Variants in MERTK observed in about 807,000 individuals in gnomAD.
MERTK encodes MER proto-oncogene, tyrosine kinase, also known as tyrosine-protein kinase Mer.
Under a neutral mutation model 99.3 loss-of-function variants are expected in MERTK, and 69 were observed. The observed-to-expected ratio is 0.70, with a 90% CI of 0.57 to 0.85. The LOEUF is 0.85. Ranked by LOEUF, MERTK falls within the 40% of genes least tolerant of loss-of-function variation. The pLI is 0.00. For missense variants in MERTK, 1,125 were observed against 1,249.4 expected, an observed-to-expected ratio of 0.90 and a Z score of 1.50; for synonymous variants, 426 against 467.6, an observed-to-expected ratio of 0.91 and a Z score of 1.15.
chr2:111,937,438 C>T (rs544777288), intron 2 of MERTK, among the ~76,000 whole-genome samples: 2 of 152,200 alleles, frequency 1.3e-5, no homozygotes, highest in South Asian at 2.1e-4. Context: ...ACAACACTGC[C>T]TCGAAAACAA....
Position 111,965,222 on chromosome 2 carries a change from G to A in MERTK, c.789G>A (p.Glu263=). The stretch of plus-strand genomic sequence containing the variant: ...CGGAGATGGCGGTCTTCAGTTGTGA[G>A]GCCCACAATGACAAAGGGCTGACCG... ...GLTEMAVFSC[E]AHNDKGLTVS... Residue 263 remains glutamate, a synonymous_variant, in exon 5 of 19, where the codon GAG becomes GAA. Coordinates refer to ENST00000295408, the MANE Select transcript of MERTK (RefSeq NM_006343.3). 1 of 1,614,204 alleles carries A rather than the reference G, an allele frequency of 6.2e-7. No individual in the cohort carries two copies. Among genetic ancestry groups the A allele is most frequent in the Non-Finnish European group, 8.5e-7 (1 of 1,180,040 alleles).
At position 111,967,998 on chromosome 2, in the gene MERTK, C is replaced by T. The variant is rs1023315026; in HGVS notation, c.845-139C>T. On this transcript the variant is annotated intron_variant, in intron 5 of 18. Coordinates refer to ENST00000295408, the MANE Select transcript of MERTK (RefSeq NM_006343.3). ...ACAATTACCCTCAGGCATAGGGAGG[C>T]TCCTCTTGAAAACATGTTTCCCTTT... The T allele has an allele frequency of 1.5e-5, 11 of 710,024 alleles. No individual in the cohort carries two copies. The Admixed American group carries it at 2.0e-4, about 13-fold the overall frequency. 44.0% of individuals were successfully genotyped at this position (710,024 alleles called of 1,614,324 possible).
chr2:112,014,442 G>A (rs1037030761), intron 15 of MERTK, among the ~76,000 whole-genome samples: 2 of 152,146 alleles, frequency 1.3e-5, no homozygotes, highest in African/African-American at 2.4e-5. Flanking sequence ...GGGATGACAG[G>A]CGTGAGCCAC....
intron 4 of MERTK, among the ~76,000 whole-genome samples, chr2:111,951,573 C>T (rs1307122740): frequency 9.6e-6 from 1 of 104,240 alleles, no homozygotes; most frequent in Non-Finnish European, 2.1e-5. Context: ...ATCCATTTAT[C>T]TGTTTATGGA....
At chr2:111,923,930 A>G (rs995128690) in intron 1 of MERTK, among the ~76,000 whole-genome samples, 12 of 152,088 alleles carry the variant, frequency 7.9e-5, no homozygotes, top group African/African-American at 2.7e-4. Context: ...AAAACCTTGG[A>G]ATGGTTTTTG....
At chr2:112,024,444 A>G (rs754989136) in intron 18 of MERTK, among the ~76,000 whole-genome samples, 25 of 152,170 alleles carry the variant, frequency 1.6e-4, no homozygotes, top group Non-Finnish European at 3.1e-4. Context: ...TCAGGCAGAG[A>G]GGGGCGAACC....
At chr2:112,003,039 T>C (rs77235468) in intron 11 of MERTK, 53 bp from the exon 12 acceptor site, 11,930 of 816,474 alleles carry the variant, frequency 0.015, 459 homozygotes, top group African/African-American at 0.11. Context: ...AATTATCAAG[T>C]GAAAGAAAAC....
chr2:111,923,499 T>C (rs1684502949), intron 1 of MERTK, among the ~76,000 whole-genome samples: 1 of 152,196 alleles, frequency 6.6e-6, no homozygotes, highest in Non-Finnish European at 1.5e-5. Context: ...GGGCGGCTAC[T>C]CTGGGACCTG....
chr2:111,998,576 T>G (rs1298897639), intron 10 of MERTK, among the ~76,000 whole-genome samples: 2 of 152,192 alleles, frequency 1.3e-5, no homozygotes, highest in Non-Finnish European at 2.9e-5. Flanking sequence ...GGGGTAAGAA[T>G]GTGTCAGAAA....
intron 4 of MERTK, among the ~76,000 whole-genome samples, chr2:111,956,273 A>G (rs1423150374): frequency 3.3e-5 from 5 of 152,208 alleles, no homozygotes; most frequent in African/African-American, 1.2e-4. Flanking sequence ...TTTCAGTGAA[A>G]TAATGAATGT....
chr2:111,916,631 A>G (rs1273649665), intron 1 of MERTK, among the ~76,000 whole-genome samples: 1 of 152,010 alleles, frequency 6.6e-6, no homozygotes, highest in East Asian at 1.9e-4. Context: ...TCATGTTTCA[A>G]GCATGTTCAT....
intron 15 of MERTK, among the ~76,000 whole-genome samples, chr2:112,011,874 C>T (rs531778339): frequency 6.6e-6 from 1 of 152,288 alleles, no homozygotes; most frequent in Non-Finnish European, 1.5e-5. Context: ...GGTTCCTGCC[C>T]CATGGAGCTG....
rs373307689 is a variant in MERTK, at chr2:112,003,109, A to G, written c.1708A>G (p.Ser570Gly). ...IELTLHSLGVSEELQNKLEDV... is the reference protein window; with the variant it reads ...IELTLHSLGVGEELQNKLEDV... ...TTTTTCAGTACATAGCTTGGGAGTC[A>G]GTGAGGAACTACAAAATAAACTAGA... Residue 570 changes from serine (S) to glycine (G), a missense_variant, in exon 12 of 19, where the codon AGT becomes GGT. Coordinates refer to ENST00000295408, the MANE Select transcript of MERTK (RefSeq NM_006343.3). 24 of 1,576,320 alleles carry G rather than the reference A, an allele frequency of 1.5e-5. No individual in the cohort carries two copies. The highest frequency in any genetic ancestry group is 2.1e-5 in the Non-Finnish European group (24 of 1,145,842).
Position 111,973,912 on chromosome 2 carries a change from T to C in MERTK, c.961-1377T>C, listed in dbSNP as rs1573612206. Among the ~76,000 whole-genome samples the C allele has an allele frequency of 2.2e-5, 3 of 139,020 alleles. No homozygotes were observed. The South Asian group carries it at 6.7e-4, about 31-fold the overall frequency. The allele number at this position is 139,020 out of a possible 152,430, so 91.2% of individuals were successfully genotyped here. ...ACTGGTGGAGTTATGGAGGGAAAGA[T>C]AAGGCAGTATGTTTAAAGGAGATTT... On this transcript the variant is annotated intron_variant, in intron 6 of 18. Coordinates refer to ENST00000295408, the MANE Select transcript of MERTK (RefSeq NM_006343.3).
intron 8 of MERTK, among the ~76,000 whole-genome samples, chr2:111,992,148 A>G (rs1331977776): frequency 6.6e-6 from 1 of 152,164 alleles, no homozygotes; most frequent in Non-Finnish European, 1.5e-5. Context: ...CCCTGGAGGA[A>G]GGAGCCACGC....
chr2:111,999,333 C>G (rs1419060987), intron 10 of MERTK, among the ~76,000 whole-genome samples: 1 of 152,146 alleles, frequency 6.6e-6, no homozygotes, highest in Non-Finnish European at 1.5e-5. Context: ...GGATCTTGCT[C>G]TGTCGTCCAG....
chr2:111,914,622 A>G (rs1354684356), intron 1 of MERTK, among the ~76,000 whole-genome samples: 1 of 152,138 alleles, frequency 6.6e-6, no homozygotes, highest in Non-Finnish European at 1.5e-5. Context: ...CCATGAGCGA[A>G]TATTGAATTT....
intron 6 of MERTK, among the ~76,000 whole-genome samples, chr2:111,969,891 C>T (rs1402879027): frequency 2.0e-5 from 3 of 151,994 alleles, no homozygotes; most frequent in South Asian, 2.1e-4. Context: ...CGGGGTTTCA[C>T]CGTGTTAGCC....
rs575490279 is a variant in MERTK, at chr2:112,018,683, A to C, written c.2080-730A>C. ...GATTGCACTAAAACACTTAATTACT[A>C]CATGGAAGTTTTATCAGCAGTCATC... is the stretch of plus-strand genomic sequence containing the variant. On this transcript the variant is annotated intron_variant, in intron 15 of 18. Transcript: ENST00000295408. Among the ~76,000 whole-genome samples, 244 of 152,270 alleles carry C rather than the reference A, an allele frequency of 1.6e-3. 3 individuals are homozygous for C. The highest frequency in any genetic ancestry group is 5.4e-3 in the African/African-American group (224 of 41,536).
Sources: allele counts gnomAD v4.1 joint callset (sites outside exome capture counted in the v4.1 genomes callset), GRCh38; gene constraint gnomAD v4.1.1; transcripts MANE v1.5; gene names NCBI Gene and HGNC (gene_info 2026-07-23, HGNC 2026-07-21).